Variants in URB1 observed in about 807,000 individuals in gnomAD.
URB1 encodes the protein URB1 ribosome biogenesis factor.
A neutral mutation model predicts 242.3 loss-of-function variants in URB1; 197 were observed. The observed-to-expected ratio is 0.81, with a 90% CI of 0.72 to 0.91. URB1 has a LOEUF of 0.91. Ranked by LOEUF, URB1 falls within the 40% of genes least tolerant of loss-of-function variation. The pLI is 0.00. For missense variants in URB1, 2,721 were observed against 2,860.5 expected, an observed-to-expected ratio of 0.95 and a Z score of 1.11; for synonymous variants, 1,153 against 1,201.8, an observed-to-expected ratio of 0.96 and a Z score of 0.84.
intron 1 of URB1, among the ~76,000 whole-genome samples, chr21:32,388,870 T>C (rs998653263): frequency 6.6e-6 from 1 of 152,224 alleles, no homozygotes; most frequent in Admixed American, 6.5e-5. Context: ...CATCTTTCCA[T>C]ACACCATTTA....
rs1338224393 is a variant in URB1 at position 32,334,143 on chromosome 21, C to T, written c.4857+20G>A. The T allele has an allele frequency of 1.3e-6, 2 of 1,529,802 alleles. No individual in the cohort carries two copies. Among genetic ancestry groups the T allele is most frequent in the Non-Finnish European group, 8.8e-7 (1 of 1,131,714 alleles). 94.8% of individuals were successfully genotyped at this position (1,529,802 alleles called of 1,614,324 possible). A position where few individuals can be genotyped will look rare whatever the true frequency, so the allele number is the denominator to read the frequency against. On this transcript the variant is annotated intron_variant, in intron 29 of 38. Coordinates refer to ENST00000382751, the MANE Select transcript of URB1 (RefSeq NM_014825.3). Reference sequence around the variant, plus strand: ...GCTGGGGTGAAGGGGTGGGTAGGGACAGAACAGCAGCAGCCCAACCTCGGG... The same window carrying T: ...GCTGGGGTGAAGGGGTGGGTAGGGATAGAACAGCAGCAGCCCAACCTCGGG...
intron 22 of URB1, 149 bp downstream of exon 22, chr21:32,346,807 T>A: frequency 8.4e-7 from 1 of 1,184,272 alleles, no homozygotes; most frequent in African/African-American, 1.5e-5. Context: ...TTACTCCACC[T>A]TTCTCCATCT....
Position 32,355,306 on chromosome 21 carries a change from T to C in URB1, c.2106+143A>G, listed in dbSNP as rs1433396535. The C allele has an allele frequency of 5.4e-6, 4 of 738,500 alleles. No individual in the cohort carries two copies. The Admixed American group carries it at 1.1e-4, about 20-fold the overall frequency. 45.7% of individuals were successfully genotyped at this position (738,500 alleles called of 1,614,324 possible). On this transcript the variant is annotated intron_variant, in intron 16 of 38. Coordinates refer to ENST00000382751, the MANE Select transcript of URB1 (RefSeq NM_014825.3). ...TTTACAGATTCTAAAACTATGTAGA[T>C]TCTGAAGTCTCAGCAAGAATTAGGA... is the stretch of plus-strand genomic sequence containing the variant.
chr21:32,325,198 C>T lies in URB1; in HGVS notation c.5121+31G>A, dbSNP rs779260736. On this transcript the variant is annotated intron_variant, in intron 31 of 38. Transcript: ENST00000382751. Reference sequence around the variant, plus strand: ...TCTCTGAAGTCCGCCAGGCCCACCCCCACAGTAGGATGTACGCTCTTCCTA... The same window carrying T: ...TCTCTGAAGTCCGCCAGGCCCACCCTCACAGTAGGATGTACGCTCTTCCTA... 3 of 1,528,728 alleles carry T rather than the reference C, an allele frequency of 2.0e-6. 1 individual carries two copies. The South Asian group carries it at 3.6e-5, about 18-fold the overall frequency. 94.7% of individuals were successfully genotyped at this position (1,528,728 alleles called of 1,614,324 possible).
intron 17 of URB1, among the ~76,000 whole-genome samples, chr21:32,354,432 A>G (rs540509234): frequency 2.6e-5 from 4 of 152,374 alleles, no homozygotes; most frequent in Non-Finnish European, 5.9e-5. Context: ...TGAGGGTTAA[A>G]GCACAGGCCA....
In URB1 at chr21:32,384,421, G is replaced by A. The variant is rs2033559138; in HGVS notation, c.326C>T (p.Thr109Ile). The A allele has an allele frequency of 2.6e-6, 4 of 1,551,840 alleles. No homozygotes were observed. The highest frequency in any genetic ancestry group is 1.2e-5 in the South Asian group (1 of 84,062). The part of the protein sequence containing the change: ...FQVFEAILLR[T>I]ASDLSHFHVV... ...ATGGAAATGTGAAAGATCACTTGCT[G>A]TCCGCAATAATATGGCCTCGAAAAC... The change falls in exon 3 of 39, where the codon ACA becomes ATA. Residue 109 changes from threonine to isoleucine, a missense_variant. Coordinates refer to ENST00000382751, the MANE Select transcript of URB1 (RefSeq NM_014825.3).
intron 1 of URB1, among the ~76,000 whole-genome samples, chr21:32,387,359 CAGTG>C: frequency 6.6e-6 from 1 of 152,272 alleles, no homozygotes; most frequent in East Asian, 1.9e-4. Flanking sequence ...GTGGAAGTTG[CAGTG>C]AGTCGAGATC....
intron 12 of URB1, 131 bp downstream of exon 12, chr21:32,361,761 C>A: frequency 7.7e-7 from 1 of 1,296,400 alleles, no homozygotes; most frequent in South Asian, 1.6e-5. Context: ...GATATAGACA[C>A]ATTCACAGCC....
At chr21:32,355,378 C>A in intron 16 of URB1, 71 bp downstream of exon 16, 2 of 1,408,842 alleles carry the variant, frequency 1.4e-6, no homozygotes, top group Non-Finnish European at 2.0e-6. Context: ...ATCAAAAATG[C>A]CTCGATGACG....
Position 32,388,922 on chromosome 21 carries a change from G to A in URB1, c.143-3238C>T, listed in dbSNP as rs114909442. Among the ~76,000 whole-genome samples the A allele has an allele frequency of 2.0e-3, 299 of 152,310 alleles. 1 individual carries two copies. The highest frequency in any genetic ancestry group is 6.7e-3 in the African/African-American group (278 of 41,566). ...TGCACCTACAGGGGGTGCCCGAGACGTGCTGATGAGCAAATTAGAAATGGC... is the reference window on the plus strand; with the variant it reads ...TGCACCTACAGGGGGTGCCCGAGACATGCTGATGAGCAAATTAGAAATGGC... On this transcript the variant is annotated intron_variant, in intron 1 of 38. Coordinates refer to ENST00000382751, the MANE Select transcript of URB1 (RefSeq NM_014825.3).
chr21:32,338,557 A>G, intron 26 of URB1, 150 bp downstream of exon 26: 2 of 920,574 alleles, frequency 2.2e-6, no homozygotes, highest in Non-Finnish European at 3.3e-6. Flanking sequence ...TTCACCCTGG[A>G]TTTGACAGAA....
intron 20 of URB1, 91 bp downstream of exon 20, chr21:32,350,613 G>C (rs1342059807): frequency 3.2e-5 from 45 of 1,409,384 alleles, no homozygotes; most frequent in Non-Finnish European, 4.1e-5. Context: ...CAGGGAGCAA[G>C]AGTGTGCTGG....
chr21:32,378,786 A>G (rs955072495), intron 4 of URB1, among the ~76,000 whole-genome samples: 2 of 152,170 alleles, frequency 1.3e-5, no homozygotes, highest in Non-Finnish European at 2.9e-5. Flanking sequence ...CCTATTCTCA[A>G]TACAAAAGTA....
rs924351569 is a variant in URB1, at chr21:32,325,294, C to G, written c.5056G>C (p.Ala1686Pro). Residue 1686 changes from alanine (A) to proline (P), a missense_variant, in exon 31 of 39, where the codon GCC (alanine) becomes CCC (proline). Physicochemically the swap from Ala to Pro is conservative, Grantham distance 27 (BLOSUM62 -1). Transcript: ENST00000382751. ...TAGTAGGCCGCCAGGACATGGTAGG[C>G]TATGGCTCGCATCTGGGGGTCATAG... ...SSYDPQMRAI[A>P]YHVLAAYYSH... 1.5e-5 allele frequency: 23 copies of G among 1,551,766 alleles called. No homozygotes were observed. Among genetic ancestry groups the G allele is most frequent in the Admixed American group, 2.0e-5 (1 of 51,002 alleles).
rs2033102320 is a variant in URB1 at position 32,347,347 on chromosome 21, C to T, written c.3477G>A (p.Gln1159=). 1 of 1,551,408 alleles carries T rather than the reference C, an allele frequency of 6.4e-7. No individual in the cohort carries two copies. Among genetic ancestry groups the T allele is most frequent in the South Asian group, 1.2e-5 (1 of 84,060 alleles). ...GATCCTGGGGGCTGCAGGTCAGCAG[C>T]TGCACCAGGGTCTTTCCAAGAGCAT... ...HLNALGKTLV[Q]LLTCSPQDQL... is the part of the protein sequence containing the mutation. Residue 1159 remains glutamine (Q), a synonymous_variant, in exon 22 of 39, where the codon CAG becomes CAA. Transcript: ENST00000382751.
In URB1 at chr21:32,312,425, C is replaced by T. The variant is rs78918363; in HGVS notation, c.*2493G>A. ...TTCCCATCCAAGCTCCACTAACACCCGCCGGCTCCCCCAGATGTGATGGCA... is the reference window on the plus strand; with the variant it reads ...TTCCCATCCAAGCTCCACTAACACCTGCCGGCTCCCCCAGATGTGATGGCA... On this transcript the variant is annotated 3_prime_UTR_variant, in exon 39 of 39. Coordinates refer to ENST00000382751, the MANE Select transcript of URB1 (RefSeq NM_014825.3). 2.5e-3 allele frequency: 1,945 copies of T among 769,970 alleles called. 21 individuals carry two copies. The African/African-American group carries it at 0.03, about 12-fold the overall frequency. 47.7% of individuals were successfully genotyped at this position (769,970 alleles called of 1,614,324 possible).
Position 32,338,859 on chromosome 21 carries a change from G to A in URB1, c.4358C>T (p.Thr1453Ile). 6.4e-7 allele frequency: 1 copy of A among 1,550,926 alleles called. No individual in the cohort carries two copies. The highest frequency in any genetic ancestry group is 1.2e-5 in the South Asian group (1 of 84,046). Residue 1453 changes from threonine (T) to isoleucine (I), a missense_variant, in exon 26 of 39, where the codon ACC becomes ATC. Physicochemically the swap from Thr to Ile is moderately conservative, Grantham distance 89 (BLOSUM62 -1). Transcript: ENST00000382751. ...QDHTFLKMLLTAVQLLYSPES... is the reference protein window; with the variant it reads ...QDHTFLKMLLIAVQLLYSPES... The stretch of plus-strand genomic sequence containing the variant: ...TGGGCTGTACAGGAGCTGTACGGCG[G>A]TGAGGAGCATCTTTAAAAATGTGTG...
intron 1 of URB1, among the ~76,000 whole-genome samples, chr21:32,390,027 G>T (rs925575485): frequency 6.6e-6 from 1 of 152,192 alleles, no homozygotes; most frequent in African/African-American, 2.4e-5. Context: ...CATAGGTTAT[G>T]AGAGCGTATA....
chr21:32,373,386 G>C (rs1330518455), intron 7 of URB1, among the ~76,000 whole-genome samples: 1 of 151,874 alleles, frequency 6.6e-6, no homozygotes, highest in Non-Finnish European at 1.5e-5. Context: ...AGTGCTGCAG[G>C]GAAAACTAAG....
Sources: gnomAD v4.1 joint callset for allele counts (sites outside exome capture counted in the v4.1 genomes callset) on GRCh38, gnomAD v4.1.1 for gene constraint, MANE v1.5 for transcripts, NCBI Gene and HGNC (gene_info 2026-07-23, HGNC 2026-07-21) for gene names.